The following UBR3 variants were observed in gnomAD, a reference collection of about 807,000 sequenced individuals.
The protein encoded by UBR3 is ubiquitin protein ligase E3 component n-recognin 3.
Under a neutral mutation model 243.2 loss-of-function variants are expected in UBR3, and 85 were observed. That is an observed-to-expected ratio of 0.35 (90% CI 0.29 to 0.42). The LOEUF is 0.42. Among genes scored for constraint, UBR3 ranks in the 10% least tolerant of loss-of-function variants. The probability of loss-of-function intolerance (pLI) is 1.00; values close to 1 mark genes in which losing one functional copy is unlikely to be tolerated. For synonymous variants in UBR3, 748 were observed against 799.8 expected, an observed-to-expected ratio of 0.94 and a Z score of 1.09; for missense variants, 1,686 against 2,300.8, an observed-to-expected ratio of 0.73 and a Z score of 5.47.
intron 38 of UBR3, 131 bp downstream of exon 38, chr2:170,080,815 A>G: frequency 5.8e-6 from 6 of 1,041,408 alleles, no homozygotes; most frequent in South Asian, 1.9e-5. Context: ...ATTTAGAGCT[A>G]TTTCTAGTTT....
chr2:170,015,702 A>T (rs1472675579), intron 30 of UBR3, among the ~76,000 whole-genome samples: 1 of 151,926 alleles, frequency 6.6e-6, no homozygotes, highest in Admixed American at 6.6e-5. Context: ...TTTTATAAAG[A>T]CAATATATGT....
At chr2:169,968,986 G>A (rs1321117614) in intron 24 of UBR3, among the ~76,000 whole-genome samples, 2 of 152,028 alleles carry the variant, frequency 1.3e-5, no homozygotes, top group African/African-American at 4.8e-5. Context: ...TTGGCCATTT[G>A]TATGTCTTTT....
intron 1 of UBR3, among the ~76,000 whole-genome samples, chr2:169,871,071 T>G (rs183036254): frequency 6.6e-6 from 1 of 152,330 alleles, no homozygotes; most frequent in Non-Finnish European, 1.5e-5. Flanking sequence ...TCCCTTCTAC[T>G]TATTTCTAGG....
chr2:169,994,963 TG>T (rs2089426263), intron 26 of UBR3, among the ~76,000 whole-genome samples: 2 of 152,130 alleles, frequency 1.3e-5, no homozygotes, highest in African/African-American at 4.8e-5. Flanking sequence ...TGCCATGGGA[TG>T]GGGTCCTGCC....
intron 1 of UBR3, among the ~76,000 whole-genome samples, chr2:169,836,029 CTCTCTCTCTCTCTCTATATATATA>C (rs1242455889): frequency 1.5e-4 from 4 of 26,764 alleles, no homozygotes; most frequent in Non-Finnish European, 2.2e-4. Flanking sequence ...CTCTCTCTCT[CTCTCTCTCTCTCTCTATATATATA>C]TATATATATA....
At chr2:170,016,200 T>C (rs865956737) in intron 30 of UBR3, among the ~76,000 whole-genome samples, 13 of 151,882 alleles carry the variant, frequency 8.6e-5, no homozygotes, top group Non-Finnish European at 1.2e-4. Context: ...TCAAAAAATA[T>C]GTAATTTTGA....
intron 19 of UBR3, 150 bp from the exon 20 acceptor site, chr2:169,942,343 A>G: frequency 1.4e-6 from 1 of 723,534 alleles, no homozygotes; most frequent in Non-Finnish European, 2.2e-6. Flanking sequence ...TTGTGTAGAG[A>G]ATAGATACCT....
intron 1 of UBR3, among the ~76,000 whole-genome samples, chr2:169,860,721 G>C (rs2083057699): frequency 6.6e-6 from 1 of 152,034 alleles, no homozygotes; most frequent in Non-Finnish European, 1.5e-5. Context: ...TATTAGTCAG[G>C]GTTCTCTAGA....
At chr2:169,887,120 G>A (rs371250734) in intron 5 of UBR3, among the ~76,000 whole-genome samples, 14 of 152,342 alleles carry the variant, frequency 9.2e-5, no homozygotes, top group African/African-American at 3.1e-4. Flanking sequence ...AGATTTTGCA[G>A]ATTGGGAGTT....
At position 169,958,532 on chromosome 2, in the gene UBR3, T is replaced by C. The variant is rs115498392; in HGVS notation, c.3634+6T>C. On this transcript the variant is annotated splice_donor_region_variant and intron_variant, in intron 24 of 38. Transcript: ENST00000272793. The stretch of plus-strand genomic sequence containing the variant: ...GGAAACTGCAATGGATGTTGGTAAG[T>C]CAAAATTATTAGTTTAGAACTCTCA... The C allele has an allele frequency of 6.2e-6, 10 of 1,611,124 alleles. No homozygotes were observed. In the African/African-American group the frequency reaches 1.1e-4, roughly 17 times the overall value.
chr2:169,836,071 T>A (rs867308483), intron 1 of UBR3, among the ~76,000 whole-genome samples: 2,480 of 55,676 alleles, frequency 0.045, 92 homozygotes, highest in African/African-American at 0.085. Flanking sequence ...ATATATATTT[T>A]TTTTTTTTTT....
chr2:170,081,390 C>T (rs1380484570), intron 38 of UBR3, among the ~76,000 whole-genome samples: 1 of 152,058 alleles, frequency 6.6e-6, no homozygotes, highest in Admixed American at 6.6e-5. Context: ...GTCCCAGCTA[C>T]TCTAGAGGCT....
At chr2:169,922,288 TAAAAAAAAAA>T (rs748782463) in intron 11 of UBR3, among the ~76,000 whole-genome samples, 1 of 122,742 alleles carries the variant, frequency 8.1e-6, no homozygotes, top group Non-Finnish European at 1.8e-5. Context: ...CCTGTCTATT[TAAAAAAAAAA>T]AAAAAAAAAG....
At chr2:170,059,512 C>T (rs182622552) in intron 33 of UBR3, among the ~76,000 whole-genome samples, 3 of 152,104 alleles carry the variant, frequency 2.0e-5, no homozygotes, top group Non-Finnish European at 4.4e-5. Context: ...TGAACTCTGC[C>T]TATTTAAGAG....
intron 16 of UBR3, 95 bp downstream of exon 16, chr2:169,927,066 G>C: frequency 7.3e-7 from 1 of 1,376,168 alleles, no homozygotes; most frequent in Non-Finnish European, 9.9e-7. Flanking sequence ...AAAAAGGAAA[G>C]GATGTAGATA....
chr2:169,982,321 G>A (rs1208102321), intron 24 of UBR3, among the ~76,000 whole-genome samples: 1 of 151,940 alleles, frequency 6.6e-6, no homozygotes, highest in Non-Finnish European at 1.5e-5. Context: ...AAAACATGAA[G>A]CAAGAAGATT....
At chr2:169,873,498 G>A (rs1268182154) in intron 2 of UBR3, among the ~76,000 whole-genome samples, 4 of 152,082 alleles carry the variant, frequency 2.6e-5, no homozygotes, top group African/African-American at 9.7e-5. Context: ...TAGAGACTCT[G>A]TCTTTACAAA....
At chr2:169,931,615 G>GA (rs1021539567) in intron 18 of UBR3, among the ~76,000 whole-genome samples, 5 of 151,766 alleles carry the variant, frequency 3.3e-5, no homozygotes, top group Admixed American at 6.6e-5. Context: ...GAGAATGAGA[G>GA]AAAAAAATCT....
chr2:170,075,195 C>T (rs1002834424), intron 36 of UBR3, among the ~76,000 whole-genome samples: 1 of 151,840 alleles, frequency 6.6e-6, no homozygotes, highest in Non-Finnish European at 1.5e-5. Flanking sequence ...ATTTTATACC[C>T]TTTTTTTAAA....
Sources: gnomAD v4.1 joint callset for allele counts (sites outside exome capture counted in the v4.1 genomes callset) on GRCh38, gnomAD v4.1.1 for gene constraint, MANE v1.5 for transcripts, NCBI Gene and HGNC (gene_info 2026-07-23, HGNC 2026-07-21) for gene names.